FRMD8: variants seen among roughly 807,000 people sequenced by gnomAD.
The protein encoded by FRMD8 is FERM domain containing 8.
A neutral mutation model predicts 54.2 loss-of-function variants in FRMD8; 37 were observed. That is an observed-to-expected ratio of 0.68 (90% CI 0.53 to 0.90). The LOEUF (loss-of-function observed/expected upper bound fraction) is 0.90, where lower values mean the gene tolerates loss of function less well. FRMD8 is among the 40% of genes least tolerant of loss of function. The pLI is 0.00. For missense variants in FRMD8, 585 were observed against 653.7 expected, an observed-to-expected ratio of 0.89 and a Z score of 1.15; for synonymous variants, 246 against 286.9, an observed-to-expected ratio of 0.86 and a Z score of 1.44.
rs1855905177 is a variant in FRMD8 at position 65,394,397 on chromosome 11, C to G, written c.553C>G (p.Pro185Ala). ...VCRVQLGPYQPGRPAACDLRE... is the reference protein window; with the variant it reads ...VCRVQLGPYQAGRPAACDLRE... ...CCGCGTGCAGCTTGGGCCCTACCAG[C>G]CCGGCCGGCCGGCAGCCTGCGACCT... is the stretch of plus-strand genomic sequence containing the variant. The change falls in exon 6 of 11, where the codon CCC (proline) becomes GCC (alanine). Residue 185 changes from proline (P) to alanine (A), a missense_variant. By Grantham distance (27) the Pro-to-Ala change is conservative. Coordinates refer to ENST00000317568, the MANE Select transcript of FRMD8 (RefSeq NM_031904.5). 6.4e-7 allele frequency: 1 copy of G among 1,570,312 alleles called. No homozygotes were observed. The highest frequency in any genetic ancestry group is 8.6e-7 in the Non-Finnish European group (1 of 1,160,014).
At chr11:65,374,270 G>C in the FRMD8 span, among the ~76,000 whole-genome samples, 2 of 133,106 alleles carry the variant, frequency 1.5e-5, no homozygotes, top group African/African-American at 5.1e-5. Context: ...AGGGTGGTGT[G>C]GGGGGAGTTG....
intron 2 of FRMD8, among the ~76,000 whole-genome samples, chr11:65,388,831 T>A (rs966101459): frequency 6.6e-6 from 1 of 152,190 alleles, no homozygotes; most frequent in Non-Finnish European, 1.5e-5. Flanking sequence ...CATCTTAGCC[T>A]CAGTCAGAGA....
upstream of FRMD8, among the ~76,000 whole-genome samples, chr11:65,385,663 G>A (rs910164498): frequency 5.3e-5 from 8 of 152,102 alleles, no homozygotes; most frequent in African/African-American, 1.4e-4. Flanking sequence ...CCTCTTTGGG[G>A]CCCCAAGTCT....
At chr11:65,380,356 C>A in the FRMD8 span, 1 of 978,520 alleles carries the variant, frequency 1.0e-6, no homozygotes, top group Non-Finnish European at 1.5e-6. Flanking sequence ...CCCCTCCACA[C>A]AGGCACTGGG....
upstream of FRMD8, chr11:65,382,145 G>GA: frequency 1.6e-6 from 1 of 629,250 alleles, no homozygotes; most frequent in South Asian, 1.8e-5. This position sits in a 1 kb window ranked among gnomAD's most constrained non-coding sequence, Gnocchi z 4.4. Context: ...CTGGCCACCT[G>GA]GAGGAGTCGT....
At chr11:65,408,779 T>C (rs1338686600) in intron 10 of FRMD8, among the ~76,000 whole-genome samples, 1 of 151,924 alleles carries the variant, frequency 6.6e-6, no homozygotes, top group Non-Finnish European at 1.5e-5. Flanking sequence ...CTGGCTAATT[T>C]TTAAATTCTT....
the FRMD8 span, chr11:65,380,469 C>T: frequency 7.9e-7 from 1 of 1,262,988 alleles, no homozygotes; most frequent in Non-Finnish European, 1.1e-6. Flanking sequence ...CTCGCTGGAG[C>T]CCATACCCGG....
chr11:65,376,972 C>T, the FRMD8 span: 1 of 1,613,204 alleles, frequency 6.2e-7, no homozygotes, highest in African/African-American at 1.3e-5. Context: ...CTGCACAGTG[C>T]ACGGGCCCCT....
At chr11:65,391,182 T>A (rs1262445803) in intron 3 of FRMD8, among the ~76,000 whole-genome samples, 4 of 152,358 alleles carry the variant, frequency 2.6e-5, no homozygotes, top group African/African-American at 9.6e-5. Flanking sequence ...TCACTCTGCG[T>A]GGAACAGGGC....
At chr11:65,389,073 T>C (rs1409693285) in intron 2 of FRMD8, among the ~76,000 whole-genome samples, 2 of 152,066 alleles carry the variant, frequency 1.3e-5, no homozygotes, top group Non-Finnish European at 2.9e-5. Context: ...TTAATTTGAA[T>C]CTTGGGGGAT....
chr11:65,380,296 A>C, the FRMD8 span: 8 of 1,418,510 alleles, frequency 5.6e-6, no homozygotes, highest in Non-Finnish European at 7.9e-6. Context: ...TCTCAGACAC[A>C]TGCAGCCACC....
intron 7 of FRMD8, among the ~76,000 whole-genome samples, 154 bp from the exon 8 acceptor site, chr11:65,399,582 C>G (rs902597619): frequency 6.6e-6 from 1 of 152,204 alleles, no homozygotes; most frequent in African/African-American, 2.4e-5. Flanking sequence ...CCCTACGAAG[C>G]CTCCCCTTCA....
At chr11:65,396,649 TG>T in intron 6 of FRMD8, 149 bp from the exon 7 acceptor site, 2 of 506,176 alleles carry the variant, frequency 4.0e-6, no homozygotes, top group South Asian at 6.5e-5. Context: ...GTCTGGTGCC[TG>T]GGTCTCCCCT....
upstream of FRMD8, chr11:65,382,790 C>T (rs1320292531): frequency 1.3e-5 from 2 of 152,496 alleles, no homozygotes; most frequent in South Asian, 4.1e-4. The surrounding 1 kb of genome is among the most constrained non-coding windows in gnomAD (Gnocchi z 4.4). Context: ...CTTCTGTCTC[C>T]AGGCCTGTGG....
chr11:65,392,553 G>A (rs1855866286), intron 3 of FRMD8, among the ~76,000 whole-genome samples: 1 of 152,206 alleles, frequency 6.6e-6, no homozygotes. Context: ...TGTGTGAGCT[G>A]AAAGGCTTTG....
chr11:65,380,199 G>A, the FRMD8 span: 4 of 1,614,120 alleles, frequency 2.5e-6, no homozygotes, highest in Non-Finnish European at 3.4e-6. Context: ...AGGGTGCTAT[G>A]AGTGAGGGCC....
At chr11:65,399,697 C>T (rs367571458) in intron 7 of FRMD8, 39 bp from the exon 8 acceptor site, 2 of 1,607,686 alleles carry the variant, frequency 1.2e-6, no homozygotes, top group South Asian at 1.1e-5. Context: ...CTCAGCATTT[C>T]TGGTGCTGGC....
chr11:65,386,840 G>T, intron 1 of FRMD8, 79 bp downstream of exon 1: 1 of 572,988 alleles, frequency 1.7e-6, no homozygotes, highest in South Asian at 2.2e-5. Flanking sequence ...CATCCAGGTC[G>T]ACCCCCGGTT....
intron 6 of FRMD8, 91 bp from the exon 7 acceptor site, chr11:65,396,708 C>T (rs747929019): frequency 4.3e-5 from 34 of 788,402 alleles, no homozygotes; most frequent in Non-Finnish European, 5.8e-5. Flanking sequence ...TGTGTGTCTG[C>T]TTCCTCCAGG....
Sources: allele counts gnomAD v4.1 joint callset (sites outside exome capture counted in the v4.1 genomes callset), GRCh38; gene constraint gnomAD v4.1.1; non-coding constraint Gnocchi (gnomAD v3.1); transcripts MANE v1.5; gene names NCBI Gene and HGNC (gene_info 2026-07-23, HGNC 2026-07-21).